PRKAR1B: variants seen among roughly 807,000 people sequenced by gnomAD.
PRKAR1B encodes the protein cAMP-dependent protein kinase type I-beta regulatory subunit.
Under a neutral mutation model 46.5 loss-of-function variants are expected in PRKAR1B, and 22 were observed. The ratio of observed to expected loss-of-function variants is 0.47; its 90% CI spans 0.34 to 0.68. The LOEUF is 0.68. Ranked by LOEUF, PRKAR1B falls within the 30% of genes least tolerant of loss-of-function variation. PRKAR1B has a pLI of 0.01. For missense variants in PRKAR1B, 445 were observed against 535.6 expected, an observed-to-expected ratio of 0.83 and a Z score of 1.67; for synonymous variants, 259 against 217.7, an observed-to-expected ratio of 1.19 and a Z score of -1.67.
chr7:701,415 G>T (rs1780064309), intron 2 of PRKAR1B, among the ~76,000 whole-genome samples: 1 of 152,150 alleles, frequency 6.6e-6, no homozygotes, highest in African/African-American at 2.4e-5. Flanking sequence ...TAACATTCAT[G>T]TCACTGGAGT....
intron 4 of PRKAR1B, among the ~76,000 whole-genome samples, chr7:663,694 G>A (rs973093259): frequency 4.6e-5 from 7 of 152,150 alleles, no homozygotes; most frequent in Non-Finnish European, 8.8e-5. Flanking sequence ...CGAAGCAGGT[G>A]GCCACAGCTC....
At chr7:715,432 C>G (rs995579563) in intron 1 of PRKAR1B, among the ~76,000 whole-genome samples, 1 of 152,124 alleles carries the variant, frequency 6.6e-6, no homozygotes, top group Non-Finnish European at 1.5e-5. Context: ...CCCTGCCACA[C>G]GGTGACAAAC....
At position 560,752 on chromosome 7, in the gene PRKAR1B, G is replaced by A. The variant is rs1201261799; in HGVS notation, c.892-9282C>T. On this transcript the variant is annotated intron_variant, in intron 9 of 10. Coordinates refer to ENST00000537384, the MANE Select transcript of PRKAR1B (RefSeq NM_001164760.2). The surrounding 1 kb of genome is among the most constrained non-coding windows in gnomAD (Gnocchi z 4.2). ...AACCAATGCTACAGAGCGGCGGTGA[G>A]GCCAGATTACCCCAGCTCCAGGAGT... Among the ~76,000 whole-genome samples, 2 of 152,230 alleles carry A rather than the reference G, an allele frequency of 1.3e-5. No individual in the cohort carries two copies. The highest frequency in any genetic ancestry group is 2.9e-5 in the Non-Finnish European group (2 of 68,044).
chr7:573,106 C>G (rs967315563), intron 9 of PRKAR1B, among the ~76,000 whole-genome samples: 66 of 152,186 alleles, frequency 4.3e-4, no homozygotes, highest in African/African-American at 1.5e-3. Flanking sequence ...CAATAAGCTG[C>G]GAAGCGCGTC....
chr7:711,623 C>T, intron 1 of PRKAR1B, 96 bp from the exon 2 acceptor site: 2 of 1,133,840 alleles, frequency 1.8e-6, no homozygotes, highest in South Asian at 1.5e-5. Flanking sequence ...CTCCCAGGAG[C>T]GTGGAAGAAA....
At chr7:673,045 T>TAAAA (rs992683667) in intron 4 of PRKAR1B, among the ~76,000 whole-genome samples, 2,489 of 26,522 alleles carry the variant, frequency 0.094, 847 homozygotes, top group East Asian at 0.27. Flanking sequence ...GCCTTGTCTT[T>TAAAA]AAAAAAAAAA....
intron 9 of PRKAR1B, among the ~76,000 whole-genome samples, chr7:556,897 C>T (rs1222131865): frequency 6.6e-6 from 1 of 152,200 alleles, no homozygotes; most frequent in African/African-American, 2.4e-5. Flanking sequence ...ACAGGTGCCT[C>T]CCCCGGCTCC....
At chr7:672,286 G>C (rs1786300785) in intron 4 of PRKAR1B, among the ~76,000 whole-genome samples, 2 of 152,000 alleles carry the variant, frequency 1.3e-5, no homozygotes, top group East Asian at 1.9e-4. Flanking sequence ...GAGTAGCTGG[G>C]ATTACAGGCA....
At position 666,477 on chromosome 7, in the gene PRKAR1B, T is replaced by C. The variant is rs1302671312; in HGVS notation, c.440+10752A>G. ...TGACACAAGGTGAGAAGGCTGCACC[T>C]ACCACCACCCTGGGGCCTGCCCTGG... On this transcript the variant is annotated intron_variant, in intron 4 of 10. Transcript: ENST00000537384. This position sits in a 1 kb window ranked among gnomAD's most constrained non-coding sequence, Gnocchi z 4.9. Among the ~76,000 whole-genome samples, 8 of 152,154 alleles carry C rather than the reference T, an allele frequency of 5.3e-5. No individual in the cohort carries two copies. Among genetic ancestry groups the C allele is most frequent in the Non-Finnish European group, 1.0e-4 (7 of 68,010 alleles).
intron 2 of PRKAR1B, among the ~76,000 whole-genome samples, chr7:686,211 G>C (rs896179361): frequency 1.3e-5 from 2 of 151,992 alleles, no homozygotes; most frequent in Non-Finnish European, 2.9e-5. Context: ...TGAGGCAGAA[G>C]AATGGTGTGA....
intron 4 of PRKAR1B, among the ~76,000 whole-genome samples, chr7:673,795 C>G (rs1337212150): frequency 1.3e-5 from 2 of 152,204 alleles, no homozygotes; most frequent in African/African-American, 2.4e-5. Context: ...AGAAACGTAT[C>G]GTCTCTGCAG....
At chr7:687,421 A>T (rs1779151787) in intron 2 of PRKAR1B, among the ~76,000 whole-genome samples, 1 of 152,206 alleles carries the variant, frequency 6.6e-6, no homozygotes, top group South Asian at 2.1e-4. Context: ...AAACATAAAA[A>T]TTGGAACTAA....
At chr7:557,299 A>G (rs1778507149) in intron 9 of PRKAR1B, among the ~76,000 whole-genome samples, 1 of 152,116 alleles carries the variant, frequency 6.6e-6, no homozygotes, top group African/African-American at 2.4e-5. Flanking sequence ...TGGAGCCACG[A>G]CTCGGGAGGG....
chr7:708,895 C>A (rs569636099), intron 2 of PRKAR1B, among the ~76,000 whole-genome samples: 1 of 151,248 alleles, frequency 6.6e-6, no homozygotes, highest in East Asian at 1.9e-4. Flanking sequence ...GGGTTCAAGC[C>A]AATTCTCCTG....
chr7:576,403 A>C lies in PRKAR1B; in HGVS notation c.891+2853T>G, dbSNP rs745650275. On this transcript the variant is annotated intron_variant, in intron 9 of 10. Coordinates refer to ENST00000537384, the MANE Select transcript of PRKAR1B (RefSeq NM_001164760.2). ...AGCATCACTGTTGAACGAGTCCTCT[A>C]CTCTACCGACCGGAAATACTGCCTG... Among the ~76,000 whole-genome samples the C allele has an allele frequency of 2.0e-5, 3 of 151,960 alleles. No homozygotes were observed. In the South Asian group the frequency reaches 6.2e-4, roughly 32 times the overall value.
Position 593,744 on chromosome 7 carries a change from G to A in PRKAR1B, c.708+2402C>T, listed in dbSNP as rs1380777663. 5.9e-5 allele frequency among the ~76,000 whole-genome samples: 9 copies of A among 152,170 alleles called. No individual in the cohort carries two copies. The highest frequency in any genetic ancestry group is 2.2e-4 in the African/African-American group (9 of 41,452). The stretch of plus-strand genomic sequence containing the variant: ...TGAGCGGGTTCAGACAGAAGAGAGG[G>A]AGCGTGCAACTCCTCCCAGGAGGCT... On this transcript the variant is annotated intron_variant, in intron 7 of 10. Transcript: ENST00000537384. This position sits in a 1 kb window ranked among gnomAD's most constrained non-coding sequence, Gnocchi z 6.1.
intron 2 of PRKAR1B, among the ~76,000 whole-genome samples, chr7:685,295 C>CGTATATATACGTAT (rs1300520762): frequency 8.2e-5 from 1 of 12,228 alleles, no homozygotes; most frequent in Non-Finnish European, 1.5e-4. Flanking sequence ...TATATGTATA[C>CGTATATATACGTAT]ATATATATAT....
At chr7:594,148 TG>T (rs1781137141) in intron 7 of PRKAR1B, among the ~76,000 whole-genome samples, 1 of 152,188 alleles carries the variant, frequency 6.6e-6, no homozygotes, top group South Asian at 2.1e-4. Context: ...TTGGGCGTCC[TG>T]GAACTGTGGC....
chr7:555,823 G>C (rs985497825), intron 9 of PRKAR1B, among the ~76,000 whole-genome samples: 9 of 152,218 alleles, frequency 5.9e-5, no homozygotes, highest in African/African-American at 2.2e-4. Flanking sequence ...GTGGTGGCCA[G>C]CACACCTGGC....
Sources: gnomAD v4.1 joint callset for allele counts (sites outside exome capture counted in the v4.1 genomes callset) on GRCh38, gnomAD v4.1.1 for gene constraint, Gnocchi (gnomAD v3.1) non-coding constraint, MANE v1.5 for transcripts, NCBI Gene and HGNC (gene_info 2026-07-23, HGNC 2026-07-21) for gene names.